MLXIP: variants seen among roughly 807,000 people sequenced by gnomAD.
MLXIP encodes MLX-interacting protein.
In MLXIP, 30 loss-of-function variants were observed where a neutral mutation model predicts 87.2. The ratio of observed to expected loss-of-function variants is 0.34; its 90% confidence interval spans 0.26 to 0.47. The LOEUF is 0.47. Ranked by LOEUF, MLXIP falls within the 20% of genes least tolerant of loss-of-function variation. MLXIP has a pLI of 1.00. For missense variants in MLXIP, 1,002 were observed against 1,240.1 expected (o/e 0.81, Z 2.88); for synonymous variants, 530 against 514.0 (o/e 1.03, Z -0.42).
chr12:122,139,166 A>G (rs951401870), intron 15 of MLXIP, among the ~76,000 whole-genome samples: 8 of 152,062 alleles, frequency 5.3e-5, no homozygotes, highest in African/African-American at 1.9e-4. Flanking sequence ...AGGGCTAGGG[A>G]GGTAGAACGG....
intron 1 of MLXIP, among the ~76,000 whole-genome samples, chr12:122,098,195 G>A (rs994929647): frequency 6.6e-6 from 1 of 152,176 alleles, no homozygotes; most frequent in Admixed American, 6.5e-5. Context: ...GGTAAAATAG[G>A]GATGAAGCGA....
Position 122,079,837 on chromosome 12 carries a change from G to A in MLXIP, c.413+571G>A, listed in dbSNP as rs558413501. On this transcript the variant is annotated intron_variant, in intron 1 of 16. Coordinates refer to ENST00000319080, the MANE Select transcript of MLXIP (RefSeq NM_014938.6). ...GAGTTAGGTGTCCCTGCACCTGGAG[G>A]CTGGCCCCCTTACAACCTCATCGGG... 3.3e-5 allele frequency among the ~76,000 whole-genome samples: 5 copies of A among 152,368 alleles called. No homozygotes were observed. The South Asian group carries it at 8.3e-4, about 25-fold the overall frequency.
chr12:122,138,637 A>G (rs995882413), intron 14 of MLXIP, 86 bp downstream of exon 14: 1 of 1,523,914 alleles, frequency 6.6e-7, no homozygotes, highest in Non-Finnish European at 8.8e-7. Flanking sequence ...CTGTGGCCTC[A>G]TCACTGGTCA....
chr12:122,084,359 G>A (rs1337797432), intron 1 of MLXIP, among the ~76,000 whole-genome samples: 8 of 152,284 alleles, frequency 5.3e-5, no homozygotes, highest in Admixed American at 2.6e-4. Context: ...GCTTGTAGAC[G>A]CTGGTTGGTT....
chr12:122,117,963 G>T (rs1302022868), intron 1 of MLXIP, among the ~76,000 whole-genome samples: 1 of 152,134 alleles, frequency 6.6e-6, no homozygotes, highest in Admixed American at 6.5e-5. Flanking sequence ...TTGAGAACTT[G>T]CACCTTTTCA....
chr12:122,093,908 G>C (rs1327731279), intron 1 of MLXIP, among the ~76,000 whole-genome samples: 1 of 141,040 alleles, frequency 7.1e-6, no homozygotes, highest in Non-Finnish European at 1.5e-5. Context: ...TGTGGTGTGT[G>C]TGTGTTTGCG....
intron 1 of MLXIP, among the ~76,000 whole-genome samples, chr12:122,122,785 G>C (rs868443911): frequency 1.3e-4 from 20 of 151,832 alleles, no homozygotes; most frequent in Non-Finnish European, 2.6e-4. Context: ...TTGACCTCGT[G>C]ATACACCCGC....
At chr12:122,138,715 T>C (rs1370590825) in intron 14 of MLXIP, 100 bp from the exon 15 acceptor site, 2 of 1,518,104 alleles carry the variant, frequency 1.3e-6, no homozygotes, top group African/African-American at 2.8e-5. Context: ...TCTCTGTGCC[T>C]GGCTGTGGCC....
chr12:122,129,106 C>T (rs766456976), intron 3 of MLXIP, 31 bp from the exon 4 acceptor site: 6 of 1,554,972 alleles, frequency 3.9e-6, no homozygotes, highest in Non-Finnish European at 5.3e-6. Context: ...GCAGAGCCCC[C>T]TCTTCACTCT....
At chr12:122,092,386 A>G (rs551040485) in intron 1 of MLXIP, among the ~76,000 whole-genome samples, 14 of 152,290 alleles carry the variant, frequency 9.2e-5, no homozygotes, top group African/African-American at 3.4e-4. Context: ...GGTGTGAACC[A>G]CTGAGCCCAG....
At chr12:122,110,283 A>C (rs562546783) in intron 1 of MLXIP, among the ~76,000 whole-genome samples, 1 of 151,840 alleles carries the variant, frequency 6.6e-6, no homozygotes, top group South Asian at 2.1e-4. Flanking sequence ...GGAGATGCTT[A>C]TCTCTCTTTT....
intron 1 of MLXIP, among the ~76,000 whole-genome samples, chr12:122,121,009 G>GTTTTTTTTTTTTTTTTTTTTTTTTTTTTT (rs776332981): frequency 9.8e-5 from 10 of 102,194 alleles, no homozygotes; most frequent in South Asian, 2.9e-4. Context: ...CTGCATGCTT[G>GTTTTTTTTTTTTTTTTTTTTTTTTTTTTT]GTTTTTTTTT....
intron 1 of MLXIP, among the ~76,000 whole-genome samples, chr12:122,114,761 G>GA (rs1414787158): frequency 2.7e-5 from 4 of 147,150 alleles, no homozygotes; most frequent in African/African-American, 1.0e-4. Flanking sequence ...TTTTTGGTGG[G>GA]GGGGGACAGG....
rs1953193373 is a variant in MLXIP at position 122,141,072 on chromosome 12, T to A, written c.2627T>A (p.Ile876Asn). ...CTGGACCAGCACTGCTCCCTGCCCA[T>A]CCTCAGGCCGAGTGAGTGGGGCAGT... is the stretch of plus-strand genomic sequence containing the variant. ...SWLDQHCSLP[I>N]LRPMVLSTLR... The change falls in exon 16 of 17, where the codon ATC becomes AAC. Residue 876 changes from isoleucine (I) to asparagine (N), a missense_variant. Ile to Asn is a moderately radical substitution (Grantham distance 149). Coordinates refer to ENST00000319080, the MANE Select transcript of MLXIP (RefSeq NM_014938.6). The A allele has an allele frequency of 6.2e-7, 1 of 1,610,508 alleles. No homozygotes were observed. Among genetic ancestry groups the A allele is most frequent in the African/African-American group, 1.3e-5 (1 of 74,914 alleles).
intron 6 of MLXIP, 62 bp downstream of exon 6, chr12:122,130,174 CT>C: frequency 1.3e-6 from 2 of 1,521,144 alleles, no homozygotes; most frequent in Non-Finnish European, 1.8e-6. Flanking sequence ...GCCAGGCCCC[CT>C]CTGGGCCAGG....
At chr12:122,117,073 C>T (rs530338671) in intron 1 of MLXIP, among the ~76,000 whole-genome samples, 1 of 152,186 alleles carries the variant, frequency 6.6e-6, no homozygotes, top group Non-Finnish European at 1.5e-5. Context: ...ACAGAAAAGA[C>T]AAACATACAC....
At chr12:122,088,929 T>C (rs1215062351) in intron 1 of MLXIP, among the ~76,000 whole-genome samples, 2 of 141,788 alleles carry the variant, frequency 1.4e-5, no homozygotes, top group African/African-American at 5.4e-5. Flanking sequence ...CTCAGCACTA[T>C]GGGAGGTTGA....
Position 122,141,771 on chromosome 12 carries a change from A to T in MLXIP, c.2719A>T (p.Lys907Ter), listed in dbSNP as rs375082353. 6.2e-7 allele frequency: 1 copy of T among 1,613,684 alleles called. No individual in the cohort carries two copies. Reference sequence around the variant, plus strand: ...GGCACAGCTGCCAGAGCAGGCGTCCAAGGCTGTCACCAGGATTGGCAAGAG... The same window carrying T: ...GGCACAGCTGCCAGAGCAGGCGTCCTAGGCTGTCACCAGGATTGGCAAGAG... ...DPAQLPEQAS[K>*]AVTRIGKRLG... The change falls in exon 17 of 17, where the codon AAG becomes TAG. Residue 907 changes from lysine (K) to a stop codon, truncating the protein, a stop_gained. Transcript: ENST00000319080. LOFTEE classifies it high-confidence loss of function.
chr12:122,123,584 C>T (rs1281804422), intron 1 of MLXIP, among the ~76,000 whole-genome samples: 1 of 152,234 alleles, frequency 6.6e-6, no homozygotes, highest in African/African-American at 2.4e-5. Flanking sequence ...CTAAATTTCC[C>T]TGCGTCTTGC....
Sources: gnomAD v4.1 joint callset for allele counts (sites outside exome capture counted in the v4.1 genomes callset) on GRCh38, gnomAD v4.1.1 for gene constraint, MANE v1.5 for transcripts, NCBI Gene and HGNC (gene_info 2026-07-23, HGNC 2026-07-21) for gene names.